The following FHIP1A variants were observed in gnomAD, a reference collection of about 807,000 sequenced individuals.
FHIP1A encodes FHF complex subunit HOOK-interacting protein 1A.
FHIP1A carries 61 observed loss-of-function variants against 88.6 expected under a neutral mutation model. That is an observed-to-expected ratio of 0.69 (90% CI 0.56 to 0.85). The LOEUF (loss-of-function observed/expected upper bound fraction) is 0.85. Ranked by LOEUF, FHIP1A falls within the 40% of genes least tolerant of loss-of-function variation. FHIP1A has a pLI of 0.00. For synonymous variants in FHIP1A, 478 were observed against 496.0 expected (o/e 0.96, Z 0.48); for missense variants, 1,154 against 1,273.5 (o/e 0.91, Z 1.43).
intron 9 of FHIP1A, among the ~76,000 whole-genome samples, chr4:151,642,707 C>T (rs1329533358): frequency 2.0e-5 from 3 of 151,888 alleles, no homozygotes; most frequent in Admixed American, 6.6e-5. Context: ...TAGCATAGGG[C>T]AATATGTATG....
rs903112165 is a variant in FHIP1A at position 151,663,998 on chromosome 4, A to T, written c.*1244A>T. The stretch of plus-strand genomic sequence containing the variant: ...ATACTTAGAGCCACAGCCATGTTAA[A>T]CCACCACCAAGAGGGGAAAACAGAA... On this transcript the variant is annotated 3_prime_UTR_variant, in exon 14 of 14. Coordinates refer to ENST00000435205, the MANE Select transcript of FHIP1A (RefSeq NM_001109977.3). Among the ~76,000 whole-genome samples, 1 of 152,234 alleles carries T rather than the reference A, an allele frequency of 6.6e-6. No homozygotes were observed. The highest frequency in any genetic ancestry group is 6.5e-5 in the Admixed American group (1 of 15,286).
At chr4:151,413,818 AT>A (rs1682175603) in intron 1 of FHIP1A, among the ~76,000 whole-genome samples, 1 of 151,996 alleles carries the variant, frequency 6.6e-6, no homozygotes, top group South Asian at 2.1e-4. Flanking sequence ...TTTTGTCAGA[AT>A]TTTAGAGCCA....
At chr4:151,488,936 G>A (rs1730181065) in intron 3 of FHIP1A, among the ~76,000 whole-genome samples, 1 of 152,292 alleles carries the variant, frequency 6.6e-6, no homozygotes, top group South Asian at 2.1e-4. Flanking sequence ...ATGGCAGATA[G>A]GAGACAGGAT....
intron 7 of FHIP1A, among the ~76,000 whole-genome samples, chr4:151,601,609 A>C (rs74554313): frequency 0.025 from 3,810 of 149,560 alleles, 163 homozygotes; most frequent in African/African-American, 0.088. Flanking sequence ...CTAGATATGA[A>C]TAAATGAAGG....
intron 1 of FHIP1A, among the ~76,000 whole-genome samples, chr4:151,448,938 T>C (rs1728700852): frequency 6.6e-6 from 1 of 152,192 alleles, no homozygotes; most frequent in African/African-American, 2.4e-5. Flanking sequence ...GCACAGGAGT[T>C]CCAGTTTCTT....
At chr4:151,636,554 G>C (rs1736363412) in intron 8 of FHIP1A, among the ~76,000 whole-genome samples, 2 of 151,942 alleles carry the variant, frequency 1.3e-5, no homozygotes, top group Admixed American at 1.3e-4. Flanking sequence ...TAAGGTTGCA[G>C]ATACAAGATT....
chr4:151,668,127 C>G lies in FHIP1A; in HGVS notation c.*5373C>G, dbSNP rs1233244066. Among the ~76,000 whole-genome samples the G allele has an allele frequency of 6.6e-6, 1 of 152,182 alleles. No homozygotes were observed. Among genetic ancestry groups the G allele is most frequent in the Non-Finnish European group, 1.5e-5 (1 of 68,032 alleles). On this transcript the variant is annotated 3_prime_UTR_variant, in exon 14 of 14. Transcript: ENST00000435205. The stretch of plus-strand genomic sequence containing the variant: ...GGTTTCAATCAGATGCTTCCCACCT[C>G]ACAAGCAAGGGTCAGCTCTATTTGC...
intron 7 of FHIP1A, among the ~76,000 whole-genome samples, chr4:151,625,776 A>G (rs1421903665): frequency 6.6e-6 from 1 of 152,220 alleles, no homozygotes; most frequent in East Asian, 1.9e-4. Flanking sequence ...TGAAATTCTA[A>G]TAAAAAATAA....
In FHIP1A at chr4:151,663,304, G is replaced by C. The variant is rs143352750; in HGVS notation, c.*550G>C. On this transcript the variant is annotated 3_prime_UTR_variant, in exon 14 of 14. Transcript: ENST00000435205. ...TCCCTTTGGATTTTACTTCCAGGACGTGTGTCGTCCCCAGCGTGTGTTGCC... is the reference window on the plus strand; with the variant it reads ...TCCCTTTGGATTTTACTTCCAGGACCTGTGTCGTCCCCAGCGTGTGTTGCC... 1 of 152,278 alleles carries C rather than the reference G, an allele frequency of 6.6e-6. No homozygotes were observed. The highest frequency in any genetic ancestry group is 1.5e-5 in the Non-Finnish European group (1 of 68,066). 9.4% of individuals were successfully genotyped at this position (152,278 alleles called of 1,614,324 possible).
intron 9 of FHIP1A, among the ~76,000 whole-genome samples, chr4:151,644,222 C>T (rs17360371): frequency 0.26 from 39,601 of 152,072 alleles, 5,798 homozygotes; most frequent in Non-Finnish European, 0.33. Flanking sequence ...GGCTACAGGA[C>T]AGATTTTCCC....
intron 3 of FHIP1A, among the ~76,000 whole-genome samples, chr4:151,541,898 C>T (rs142543014): frequency 2.0e-5 from 3 of 152,160 alleles, no homozygotes; most frequent in Non-Finnish European, 4.4e-5. Flanking sequence ...TTTCGGTCAT[C>T]AAGCATTGCT....
intron 3 of FHIP1A, among the ~76,000 whole-genome samples, chr4:151,531,335 C>G (rs1731870237): frequency 6.6e-6 from 1 of 151,918 alleles, no homozygotes; most frequent in Admixed American, 6.6e-5. Context: ...GGATCAGGTT[C>G]CAATTGTTGA....
At chr4:151,478,371 T>C (rs1025548100) in intron 2 of FHIP1A, among the ~76,000 whole-genome samples, 4 of 152,194 alleles carry the variant, frequency 2.6e-5, no homozygotes, top group African/African-American at 9.6e-5. Context: ...AAAATCTACA[T>C]GTAGCACATG....
intron 7 of FHIP1A, among the ~76,000 whole-genome samples, chr4:151,606,088 T>C (rs1033556686): frequency 6.6e-6 from 1 of 152,206 alleles, no homozygotes; most frequent in Non-Finnish European, 1.5e-5. Flanking sequence ...TATGTCATAG[T>C]GAGGAGTGGG....
chr4:151,510,438 A>AT (rs1692985053), intron 3 of FHIP1A, among the ~76,000 whole-genome samples: 1 of 152,090 alleles, frequency 6.6e-6, no homozygotes, highest in Non-Finnish European at 1.5e-5. Flanking sequence ...AGATTTTTTT[A>AT]TTTTGAAATA....
chr4:151,512,387 C>A (rs1731070035), intron 3 of FHIP1A, among the ~76,000 whole-genome samples: 1 of 152,228 alleles, frequency 6.6e-6, no homozygotes, highest in Admixed American at 6.5e-5. Flanking sequence ...CTCTAAAAAG[C>A]AGAGCGCCGC....
At chr4:151,625,641 A>AT (rs150426685) in intron 7 of FHIP1A, among the ~76,000 whole-genome samples, 1,913 of 152,028 alleles carry the variant, frequency 0.013, 38 homozygotes, top group African/African-American at 0.044. Flanking sequence ...TCTGGCTTTA[A>AT]TTTTTTTTAG....
intron 3 of FHIP1A, among the ~76,000 whole-genome samples, chr4:151,535,614 T>C (rs1732040830): frequency 6.6e-6 from 1 of 152,244 alleles, no homozygotes; most frequent in East Asian, 1.9e-4. Context: ...AATGTGTGTT[T>C]AGTTCTTTCT....
intron 1 of FHIP1A, among the ~76,000 whole-genome samples, chr4:151,453,116 A>G (rs1005380031): frequency 6.6e-6 from 1 of 151,772 alleles, no homozygotes; most frequent in Non-Finnish European, 1.5e-5. Context: ...TCCTGGGTTC[A>G]AGCGATTCTC....
Sources: gnomAD v4.1 joint callset for allele counts (sites outside exome capture counted in the v4.1 genomes callset) on GRCh38, gnomAD v4.1.1 for gene constraint, MANE v1.5 for transcripts, NCBI Gene and HGNC (gene_info 2026-07-23, HGNC 2026-07-21) for gene names.